Variants in COL4A5 observed in about 807,000 individuals in gnomAD.
The protein encoded by COL4A5 is collagen type IV alpha 5 chain, also known as collagen alpha-5(IV) chain.
COL4A5 carries 26 observed loss-of-function variants against 130.2 expected under a neutral mutation model. The ratio of observed to expected loss-of-function variants is 0.20; its 90% CI spans 0.15 to 0.28. COL4A5 has a LOEUF of 0.28. Ranked by LOEUF, COL4A5 falls within the 10% of genes least tolerant of loss-of-function variation. The pLI is 1.00. For missense variants in COL4A5, 1,131 were observed against 1,344.3 expected (o/e 0.84, Z 2.48); for synonymous variants, 496 against 439.6 (o/e 1.13, Z -1.60).
chrX:108,568,662 C>G lies in COL4A5; in HGVS notation c.310C>G (p.Pro104Ala), dbSNP rs778671368. The G allele has an allele frequency of 3.3e-6, 4 of 1,201,720 alleles. No individual in the cohort carries two copies. The highest frequency in any genetic ancestry group is 1.7e-5 in the African/African-American group (1 of 57,562). The stretch of plus-strand genomic sequence containing the variant: ...TGGACTTCCTGGATTTCCAGGGACA[C>G]CAGGTCTTCCTGTAAGTAGCATTTC... ...PPGLPGFPGT[P>A]GLPGMPGHDG... Residue 104 changes from proline to alanine, a missense_variant, in exon 5 of 53, where the codon CCA (proline) becomes GCA (alanine). By Grantham distance (27) the Pro-to-Ala change is conservative (BLOSUM62 -1). Coordinates refer to ENST00000328300, the MANE Select transcript of COL4A5 (RefSeq NM_033380.3).
chrX:108,537,275 CCA>C (rs1360245981), intron 1 of COL4A5, among the ~76,000 whole-genome samples: 1 of 110,407 alleles, frequency 9.1e-6, no homozygotes, highest in Admixed American at 9.7e-5. Context: ...CCTATGAGTA[CCA>C]GAGTCATTCT....
chrX:108,622,970 C>A, intron 33 of COL4A5, 145 bp downstream of exon 33: 1 of 542,561 alleles, frequency 1.8e-6, no homozygotes, highest in South Asian at 3.3e-5. Flanking sequence ...TATTAATTTT[C>A]ACTTCATTCA....
intron 1 of COL4A5, among the ~76,000 whole-genome samples, chrX:108,467,738 G>A (rs181460264): frequency 1.8e-5 from 2 of 111,487 alleles, no homozygotes; most frequent in Non-Finnish European, 3.8e-5. Flanking sequence ...ATTCCTAGGT[G>A]TGTTTTATTC....
At chrX:108,500,847 A>G (rs1354604222) in intron 1 of COL4A5, among the ~76,000 whole-genome samples, 1 of 111,655 alleles carries the variant, frequency 9.0e-6, no homozygotes, top group Non-Finnish European at 1.9e-5. Flanking sequence ...GCATACATAT[A>G]TATACACACA....
intron 37 of COL4A5, among the ~76,000 whole-genome samples, chrX:108,657,465 T>A (rs2067865635): frequency 8.9e-6 from 1 of 111,762 alleles, no homozygotes; most frequent in South Asian, 3.6e-4. Flanking sequence ...TTTTAAAGCT[T>A]GTCTTGGCTA....
chrX:108,644,831 C>T (rs1302449128), intron 36 of COL4A5, among the ~76,000 whole-genome samples: 5 of 104,505 alleles, frequency 4.8e-5, no homozygotes, highest in East Asian at 3.1e-4. Flanking sequence ...ACCCGGGAGG[C>T]GGAGGTTGCA....
chrX:108,646,315 T>C (rs1309023133), intron 36 of COL4A5, among the ~76,000 whole-genome samples: 1 of 112,311 alleles, frequency 8.9e-6, no homozygotes, highest in East Asian at 2.8e-4. Context: ...TTGATTTGCA[T>C]TTCTCTGATG....
intron 25 of COL4A5, among the ~76,000 whole-genome samples, chrX:108,599,756 T>C (rs1160307392): frequency 8.9e-6 from 1 of 112,127 alleles, no homozygotes; most frequent in Non-Finnish European, 1.9e-5. Flanking sequence ...TCTGTGGTTG[T>C]TTTTGCACTA....
chrX:108,652,750 C>A (rs1006561856), intron 36 of COL4A5, among the ~76,000 whole-genome samples: 6 of 112,146 alleles, frequency 5.4e-5, no homozygotes, highest in African/African-American at 1.9e-4. Flanking sequence ...AAATTGACTC[C>A]TTTTTCTACG....
rs1027171451 is a variant in COL4A5 at position 108,513,401 on chromosome X, G to T, written c.82-26345G>T. On this transcript the variant is annotated intron_variant, in intron 1 of 52. Transcript: ENST00000328300. Reference sequence around the variant, plus strand: ...TTGTTCTATAATTACTCCAATATTTGATGTCAGTCTTTTAAATTTTAACCA... The same window carrying T: ...TTGTTCTATAATTACTCCAATATTTTATGTCAGTCTTTTAAATTTTAACCA... Among the ~76,000 whole-genome samples the T allele has an allele frequency of 1.2e-4, 13 of 111,957 alleles. 1 individual carries two copies. The Admixed American group carries it at 1.2e-3, about 11-fold the overall frequency.
chrX:108,508,415 A>G (rs1249608965), intron 1 of COL4A5, among the ~76,000 whole-genome samples: 1 of 110,567 alleles, frequency 9.0e-6, no homozygotes, highest in Non-Finnish European at 1.9e-5. Context: ...AAAACATTCC[A>G]TGCTCATGGA....
intron 1 of COL4A5, among the ~76,000 whole-genome samples, chrX:108,514,463 A>T (rs1353091540): frequency 1.8e-5 from 2 of 111,912 alleles, no homozygotes. Flanking sequence ...GGACCACTGC[A>T]CTAGTTTTGC....
At chrX:108,492,762 T>A (rs760264473) in intron 1 of COL4A5, among the ~76,000 whole-genome samples, 1 of 111,964 alleles carries the variant, frequency 8.9e-6, no homozygotes, top group Non-Finnish European at 1.9e-5. Context: ...ATTTTAGTTT[T>A]CATTTTATCT....
intron 1 of COL4A5, among the ~76,000 whole-genome samples, chrX:108,519,788 T>C (rs5973831): frequency 1.6e-3 from 179 of 110,863 alleles, no homozygotes; most frequent in African/African-American, 5.5e-3. Flanking sequence ...CCTCACTTTT[T>C]CCCTGAGAGA....
chrX:108,661,975 A>G (rs977433066), intron 37 of COL4A5, among the ~76,000 whole-genome samples: 1 of 108,772 alleles, frequency 9.2e-6, no homozygotes, highest in Non-Finnish European at 1.9e-5. Flanking sequence ...CACAATGTGC[A>G]GGTTTGTTAC....
intron 1 of COL4A5, among the ~76,000 whole-genome samples, chrX:108,523,128 C>G (rs1276291019): frequency 3.6e-5 from 4 of 111,115 alleles, no homozygotes; most frequent in Non-Finnish European, 5.7e-5. Context: ...CTGCCTTCCT[C>G]AGCCTCCCAA....
chrX:108,527,348 T>C (rs1276181466), intron 1 of COL4A5, among the ~76,000 whole-genome samples: 1 of 111,887 alleles, frequency 8.9e-6, no homozygotes, highest in African/African-American at 3.3e-5. Context: ...TTCTAGGTTG[T>C]ATATGTATCA....
In COL4A5 at chrX:108,597,628, T is replaced by C. The variant is rs1308947911; in HGVS notation, c.1779+60T>C. On this transcript the variant is annotated intron_variant, in intron 24 of 52. Coordinates refer to ENST00000328300, the MANE Select transcript of COL4A5 (RefSeq NM_033380.3). ...TAAATTTTCACTTAGAAATGTTTTC[T>C]AAGTTAATTCAAAGGATGGGACTGA... The C allele has an allele frequency of 2.9e-6, 3 of 1,037,352 alleles. No individual in the cohort carries two copies. The African/African-American group carries it at 5.6e-5, about 19-fold the overall frequency. The allele number at this position is 1,037,352 out of a possible 1,213,427, so 85.5% of individuals were successfully genotyped here.
At chrX:108,674,672 T>G (rs1439257947) in intron 42 of COL4A5, 73 bp from the exon 43 acceptor site, 14 of 1,029,752 alleles carry the variant, frequency 1.4e-5, no homozygotes, top group Non-Finnish European at 1.5e-5. Flanking sequence ...ACTCATAATC[T>G]TATTTTGTAC....
Sources: allele counts gnomAD v4.1 joint callset (sites outside exome capture counted in the v4.1 genomes callset), GRCh38; gene constraint gnomAD v4.1.1; transcripts MANE v1.5; gene names NCBI Gene and HGNC (gene_info 2026-07-23, HGNC 2026-07-21).